USH2A: variants seen among roughly 807,000 people sequenced by gnomAD.
USH2A encodes usherin, also known as Usher syndrome 2A (autosomal recessive, mild).
Under a neutral mutation model 538.9 loss-of-function variants are expected in USH2A, and 443 were observed. The ratio of observed to expected loss-of-function variants is 0.82; its 90% confidence interval spans 0.76 to 0.89. USH2A has a LOEUF of 0.89. USH2A is among the 40% of genes least tolerant of loss of function. The probability of loss-of-function intolerance (pLI) is 0.00; values close to 1 mark genes in which losing one functional copy is unlikely to be tolerated. For synonymous variants in USH2A, 2,413 were observed against 2,273.5 expected, an observed-to-expected ratio of 1.06 and a Z score of -1.75; for missense variants, 6,633 against 6,324.8, an observed-to-expected ratio of 1.05 and a Z score of -1.65.
In USH2A at chr1:216,159,920, A is replaced by G. The variant is rs921776853; in HGVS notation, c.4627+15332T>C. Among the ~76,000 whole-genome samples, 3 of 152,030 alleles carry G rather than the reference A, an allele frequency of 2.0e-5. No individual in the cohort carries two copies. The South Asian group carries it at 6.2e-4, about 32-fold the overall frequency. ...TTTCTCCCATGCAAAGGATCTCTGTATTTTGCCTGTATTGTCAAGGTTTTA... is the reference window on the plus strand; with the variant it reads ...TTTCTCCCATGCAAAGGATCTCTGTGTTTTGCCTGTATTGTCAAGGTTTTA... On this transcript the variant is annotated intron_variant, in intron 21 of 71. Transcript: ENST00000307340.
chr1:215,672,390 C>G (rs181547461), intron 63 of USH2A, among the ~76,000 whole-genome samples: 4 of 151,874 alleles, frequency 2.6e-5, no homozygotes, highest in Non-Finnish European at 5.9e-5. Flanking sequence ...CACCTTTTTC[C>G]CTTTGTGACT....
intron 4 of USH2A, among the ~76,000 whole-genome samples, chr1:216,329,173 C>A (rs2037798383): frequency 6.6e-6 from 1 of 152,270 alleles, no homozygotes; most frequent in South Asian, 2.1e-4. Flanking sequence ...AAAACTAAAT[C>A]TACTAAAACT....
At chr1:216,347,779 A>T (rs1452312178) in intron 4 of USH2A, among the ~76,000 whole-genome samples, 1 of 152,102 alleles carries the variant, frequency 6.6e-6, no homozygotes, top group African/African-American at 2.4e-5. Context: ...TCCATAGAAA[A>T]TTGTTGACCT....
chr1:215,894,717 A>T (rs1665283583), intron 40 of USH2A, among the ~76,000 whole-genome samples: 1 of 152,108 alleles, frequency 6.6e-6, no homozygotes, highest in Non-Finnish European at 1.5e-5. Context: ...TAAAAAAATG[A>T]GAATCACTTT....
At chr1:215,724,240 CACACACACAA>C (rs916737177) in intron 61 of USH2A, among the ~76,000 whole-genome samples, 1 of 140,196 alleles carries the variant, frequency 7.1e-6, no homozygotes, top group African/African-American at 3.2e-5. Context: ...CACACACACA[CACACACACAA>C]ACACACACAC....
In USH2A at chr1:215,697,961, A is replaced by T. The variant is rs189325728; in HGVS notation, c.12067-17585T>A. On this transcript the variant is annotated intron_variant, in intron 61 of 71. Coordinates refer to ENST00000307340, the MANE Select transcript of USH2A (RefSeq NM_206933.4). ...TCATCTACATTAGGTATTTCTCCTA[A>T]TGTTACCCCTCCTCTTTCTCCCCAG... Among the ~76,000 whole-genome samples the T allele has an allele frequency of 5.9e-5, 9 of 152,228 alleles. No individual in the cohort carries two copies. In the East Asian group the frequency reaches 1.5e-3, roughly 26 times the overall value.
rs776994287 is a variant in USH2A, at chr1:216,324,299, A to G, written c.1197T>C (p.Ile399=). Residue 399 remains isoleucine, a synonymous_variant, in exon 7 of 72, where the codon ATT becomes ATC. Coordinates refer to ENST00000307340, the MANE Select transcript of USH2A (RefSeq NM_206933.4). ...FFSPQPTEIR[I]QRKKENSLDW... The stretch of plus-strand genomic sequence containing the variant: ...CTAAACTATTTTCCTTCTTCCTTTG[A>G]ATCCTTATTTCCGTTGGTTGTGGAC... 2 of 1,612,998 alleles carry G rather than the reference A, an allele frequency of 1.2e-6. No homozygotes were observed. Among genetic ancestry groups the G allele is most frequent in the Admixed American group, 3.3e-5 (2 of 59,862 alleles).
intron 26 of USH2A, among the ~76,000 whole-genome samples, chr1:216,082,973 T>C (rs1020878828): frequency 1.8e-4 from 27 of 152,020 alleles, no homozygotes; most frequent in African/African-American, 6.3e-4. Flanking sequence ...TGATTACCTA[T>C]GACATCTGAA....
chr1:215,937,387 T>A (rs986395199), intron 37 of USH2A, among the ~76,000 whole-genome samples: 3 of 152,106 alleles, frequency 2.0e-5, no homozygotes, highest in African/African-American at 7.2e-5. Flanking sequence ...TTTCCTAGGT[T>A]CTTTACAACT....
chr1:216,195,099 C>T (rs1274300825), intron 19 of USH2A, among the ~76,000 whole-genome samples: 1 of 152,120 alleles, frequency 6.6e-6, no homozygotes, highest in Non-Finnish European at 1.5e-5. Context: ...AAAAACAGAA[C>T]ATCTGGTCAT....
intron 16 of USH2A, among the ~76,000 whole-genome samples, chr1:216,206,593 C>A (rs917731075): frequency 2.0e-5 from 3 of 152,104 alleles, no homozygotes; most frequent in African/African-American, 7.2e-5. Flanking sequence ...AGGTCACAGA[C>A]CAGTACCTGT....
intron 21 of USH2A, among the ~76,000 whole-genome samples, chr1:216,106,402 C>G (rs1384873461): frequency 3.3e-5 from 5 of 150,534 alleles, no homozygotes; most frequent in African/African-American, 1.2e-4. Flanking sequence ...TGAAAGTTTT[C>G]ATTATGAATA....
chr1:216,274,790 T>C (rs1405166505), intron 11 of USH2A, among the ~76,000 whole-genome samples: 1 of 152,152 alleles, frequency 6.6e-6, no homozygotes, highest in Non-Finnish European at 1.5e-5. Context: ...TGTCTTTTCT[T>C]TTCCAGTCTA....
Position 216,078,347 on chromosome 1 carries a change from C to T in USH2A, c.5314G>A (p.Gly1772Arg), listed in dbSNP as rs763043150. 1.2e-5 allele frequency: 20 copies of T among 1,613,406 alleles called. No individual in the cohort carries two copies. Among genetic ancestry groups the T allele is most frequent in the Admixed American group, 3.3e-5 (2 of 59,958 alleles). The change falls in exon 27 of 72, where the codon GGA becomes AGA. Residue 1772 changes from glycine (G) to arginine (R), a missense_variant. Coordinates refer to ENST00000307340, the MANE Select transcript of USH2A (RefSeq NM_206933.4). Reference protein sequence around the residue: ...PDFLAMELKSGILTFRLNTSL... With the variant: ...PDFLAMELKSRILTFRLNTSL... Reference sequence around the variant, plus strand: ...GTATTTAACCGGAAGGTCAATATTCCACTTTTCAGCTCCATCTGTATTTTA... The same window carrying T: ...GTATTTAACCGGAAGGTCAATATTCTACTTTTCAGCTCCATCTGTATTTTA...
intron 9 of USH2A, among the ~76,000 whole-genome samples, chr1:216,320,159 A>G (rs1031527346): frequency 6.6e-6 from 1 of 152,098 alleles, no homozygotes; most frequent in African/African-American, 2.4e-5. Flanking sequence ...TGTTTGGGTT[A>G]TGGAGGTGGA....
intron 21 of USH2A, among the ~76,000 whole-genome samples, chr1:216,116,166 T>G (rs2033003200): frequency 6.6e-6 from 1 of 152,060 alleles, no homozygotes; most frequent in African/African-American, 2.4e-5. Context: ...GTTTTATACC[T>G]CAAATAAGAT....
At chr1:216,011,528 A>C (rs148374623) in intron 32 of USH2A, among the ~76,000 whole-genome samples, 3,717 of 152,122 alleles carry the variant, frequency 0.024, 149 homozygotes, top group African/African-American at 0.083. Flanking sequence ...CCTTTCCTTC[A>C]TAGGCATGGT....
chr1:215,885,893 A>G (rs999482590), intron 41 of USH2A, among the ~76,000 whole-genome samples: 6 of 152,184 alleles, frequency 3.9e-5, no homozygotes, highest in African/African-American at 2.4e-5. Flanking sequence ...CTGGCATTCC[A>G]TATTTCTCTA....
intron 47 of USH2A, among the ~76,000 whole-genome samples, chr1:215,827,637 T>C (rs1663192560): frequency 6.6e-6 from 1 of 152,208 alleles, no homozygotes; most frequent in Non-Finnish European, 1.5e-5. Context: ...AGGCTATTGA[T>C]TGGATCTGTA....
Sources: gnomAD v4.1 joint callset for allele counts (sites outside exome capture counted in the v4.1 genomes callset) on GRCh38, gnomAD v4.1.1 for gene constraint, MANE v1.5 for transcripts, NCBI Gene and HGNC (gene_info 2026-07-23, HGNC 2026-07-21) for gene names.